The following TMEM132D variants were observed in gnomAD, a reference collection of about 807,000 sequenced individuals.
TMEM132D encodes transmembrane protein 132D.
TMEM132D carries 21 observed loss-of-function variants against 62.3 expected under a neutral mutation model. The observed-to-expected ratio is 0.34, with a 90% CI of 0.24 to 0.49. The LOEUF (loss-of-function observed/expected upper bound fraction) is 0.49. TMEM132D is among the 20% of genes least tolerant of loss of function. TMEM132D has a pLI of 0.99. For synonymous variants in TMEM132D, 621 were observed against 575.6 expected, an observed-to-expected ratio of 1.08 and a Z score of -1.13; for missense variants, 1,346 against 1,402.8, an observed-to-expected ratio of 0.96 and a Z score of 0.65.
chr12:129,404,063 CTTGAGGT>C (rs1871698482), intron 3 of TMEM132D, among the ~76,000 whole-genome samples: 1 of 152,046 alleles, frequency 6.6e-6, no homozygotes, highest in South Asian at 2.1e-4. Flanking sequence ...TTGAGAAAGA[CTTGAGGT>C]TTTACTTGAG....
intron 2 of TMEM132D, among the ~76,000 whole-genome samples, chr12:129,606,494 T>G (rs756262833): frequency 2.6e-5 from 4 of 152,070 alleles, no homozygotes; most frequent in Admixed American, 6.6e-5. Context: ...GAGAGAGACC[T>G]GGCAAGTAAC....
chr12:129,672,330 C>T (rs902774388), intron 2 of TMEM132D, among the ~76,000 whole-genome samples: 2 of 152,190 alleles, frequency 1.3e-5, no homozygotes, highest in African/African-American at 4.8e-5. Context: ...TCCTATCTAC[C>T]AGCTGGATGT....
At chr12:129,787,064 G>A (rs978256770) in intron 1 of TMEM132D, among the ~76,000 whole-genome samples, 1 of 152,130 alleles carries the variant, frequency 6.6e-6, no homozygotes, top group African/African-American at 2.4e-5. Context: ...GCAGGGCACT[G>A]GGAGCTGTGA....
intron 4 of TMEM132D, among the ~76,000 whole-genome samples, chr12:129,261,876 G>C (rs1880558789): frequency 1.3e-5 from 2 of 152,078 alleles, no homozygotes; most frequent in Non-Finnish European, 2.9e-5. Context: ...AGTCCTGAAG[G>C]GTAGTATTTT....
chr12:129,074,805 C>G lies in TMEM132D; in HGVS notation c.2370G>C (p.Thr790=), dbSNP rs377102704. The G allele has an allele frequency of 6.2e-7, 1 of 1,614,004 alleles. No individual in the cohort carries two copies. The highest frequency in any genetic ancestry group is 8.5e-7 in the Non-Finnish European group (1 of 1,180,022). The part of the protein sequence containing the change: ...SKRKSVLAVG[T]ANIKVKFGQN... The stretch of plus-strand genomic sequence containing the variant: ...GGCCAAATTTAACTTTGATGTTTGC[C>G]GTTCCAACAGCTAACACACTCTTCC... The change falls in exon 9 of 9, where the codon ACG becomes ACC. Residue 790 remains threonine, a synonymous_variant. Coordinates refer to ENST00000422113, the MANE Select transcript of TMEM132D (RefSeq NM_133448.3).
chr12:129,473,025 C>T (rs1031761055), intron 3 of TMEM132D, among the ~76,000 whole-genome samples: 4 of 152,084 alleles, frequency 2.6e-5, no homozygotes, highest in East Asian at 3.9e-4. Flanking sequence ...CCACCACGCC[C>T]GGCTAATTTT....
At chr12:129,362,258 T>C (rs1219911991) in intron 3 of TMEM132D, among the ~76,000 whole-genome samples, 1 of 152,188 alleles carries the variant, frequency 6.6e-6, no homozygotes, top group Non-Finnish European at 1.5e-5. Flanking sequence ...TGGTCTTTCA[T>C]GGATACCTAT....
intron 2 of TMEM132D, among the ~76,000 whole-genome samples, chr12:129,541,613 C>A (rs1433842323): frequency 6.6e-6 from 1 of 152,078 alleles, no homozygotes; most frequent in African/African-American, 2.4e-5. Flanking sequence ...GATACCAAAC[C>A]AATAAACGAC....
intron 2 of TMEM132D, among the ~76,000 whole-genome samples, chr12:129,596,383 T>C (rs1015485106): frequency 5.3e-5 from 8 of 152,146 alleles, no homozygotes; most frequent in Non-Finnish European, 7.3e-5. Context: ...TGTGTATACA[T>C]ATACATGAAT....
chr12:129,654,297 A>AGTGTGTGTGT (rs10607475), intron 2 of TMEM132D, among the ~76,000 whole-genome samples: 3 of 148,462 alleles, frequency 2.0e-5, no homozygotes, highest in African/African-American at 7.4e-5. Flanking sequence ...TGTGTGTGTG[A>AGTGTGTGTGT]GTGTGTGTGT....
At chr12:129,589,590 C>A (rs1292080531) in intron 2 of TMEM132D, among the ~76,000 whole-genome samples, 2 of 152,128 alleles carry the variant, frequency 1.3e-5, no homozygotes, top group African/African-American at 4.8e-5. Flanking sequence ...TTTCAACCAG[C>A]AACTAATACC....
chr12:129,799,094 G>A (rs139088325), intron 1 of TMEM132D, among the ~76,000 whole-genome samples: 5 of 152,010 alleles, frequency 3.3e-5, no homozygotes, highest in South Asian at 2.1e-4. Flanking sequence ...GTGAAACCCC[G>A]TCTCTACTAA....
chr12:129,369,365 C>T (rs1307624101), intron 3 of TMEM132D, among the ~76,000 whole-genome samples: 1 of 47,642 alleles, frequency 2.1e-5, no homozygotes, highest in Non-Finnish European at 6.2e-5. Flanking sequence ...GTTCCTCATG[C>T]TGCTTTTTTT....
At chr12:129,380,974 G>A (rs139767637) in intron 3 of TMEM132D, among the ~76,000 whole-genome samples, 1 of 152,226 alleles carries the variant, frequency 6.6e-6, no homozygotes, top group African/African-American at 2.4e-5. Context: ...TATGAGAATT[G>A]TGTCAGATGG....
chr12:129,538,579 ATAAAT>A (rs1876477377), intron 2 of TMEM132D, among the ~76,000 whole-genome samples: 1 of 152,242 alleles, frequency 6.6e-6, no homozygotes, highest in South Asian at 2.1e-4. Flanking sequence ...CATACCTATG[ATAAAT>A]TAATTTATAA....
At chr12:129,652,326 T>C (rs1879949655) in intron 2 of TMEM132D, among the ~76,000 whole-genome samples, 1 of 152,200 alleles carries the variant, frequency 6.6e-6, no homozygotes, top group Non-Finnish European at 1.5e-5. Flanking sequence ...AATTTTATTT[T>C]AAGCACTGGT....
At chr12:129,394,100 T>C (rs909462908) in intron 3 of TMEM132D, among the ~76,000 whole-genome samples, 2 of 152,242 alleles carry the variant, frequency 1.3e-5, no homozygotes, top group African/African-American at 4.8e-5. Flanking sequence ...AAAGTGGTTT[T>C]GTGGCACGGC....
intron 3 of TMEM132D, among the ~76,000 whole-genome samples, chr12:129,502,963 G>A (rs997489940): frequency 1.2e-4 from 19 of 152,246 alleles, no homozygotes; most frequent in African/African-American, 3.6e-4. Context: ...CTTCATGAGG[G>A]CAAGAACCTT....
At chr12:129,301,974 A>T (rs1363598008) in intron 4 of TMEM132D, among the ~76,000 whole-genome samples, 8 of 143,534 alleles carry the variant, frequency 5.6e-5, no homozygotes, top group South Asian at 2.2e-4. Context: ...TCTTTTCTTT[A>T]AAAAAAAAAA....
Sources: allele counts gnomAD v4.1 joint callset (sites outside exome capture counted in the v4.1 genomes callset), GRCh38; gene constraint gnomAD v4.1.1; transcripts MANE v1.5; gene names NCBI Gene and HGNC (gene_info 2026-07-23, HGNC 2026-07-21).